Variants in SCHIP1 observed in about 807,000 individuals in gnomAD.
SCHIP1 encodes the protein schwannomin-interacting protein 1.
Under a neutral mutation model 29.7 loss-of-function variants are expected in SCHIP1, and 8 were observed. The observed-to-expected ratio is 0.27, with a 90% CI of 0.16 to 0.49. SCHIP1 has a LOEUF of 0.49. Ranked by LOEUF, SCHIP1 falls within the 20% of genes least tolerant of loss-of-function variation. SCHIP1 has a pLI of 0.99. For synonymous variants in SCHIP1, 76 were observed against 94.9 expected (o/e 0.80, Z 1.16); for missense variants, 193 against 294.6 (o/e 0.66, Z 2.52).
the SCHIP1 span, among the ~76,000 whole-genome samples, chr3:159,551,016 A>G: frequency 3.9e-5 from 6 of 152,226 alleles, no homozygotes; most frequent in Non-Finnish European, 8.8e-5. Context: ...AGGAACCACT[A>G]TAAGTTATCT....
chr3:159,682,596 A>G, the SCHIP1 span, among the ~76,000 whole-genome samples: 8 of 152,334 alleles, frequency 5.3e-5, no homozygotes, highest in African/African-American at 1.9e-4. Context: ...TGCTTCTCCT[A>G]GAAGTCTCCT....
chr3:159,381,716 C>T, the SCHIP1 span, among the ~76,000 whole-genome samples: 5 of 152,234 alleles, frequency 3.3e-5, 1 homozygote, highest in Middle Eastern at 0.014. Flanking sequence ...GTGCCCCAGC[C>T]TCCCAAGCAG....
chr3:159,715,510 AT>A, the SCHIP1 span, among the ~76,000 whole-genome samples: 1 of 152,108 alleles, frequency 6.6e-6, no homozygotes, highest in Non-Finnish European at 1.5e-5. Context: ...TTGAAAAAAG[AT>A]TGGACAAATG....
the SCHIP1 span, among the ~76,000 whole-genome samples, chr3:159,804,180 C>T: frequency 6.6e-6 from 1 of 152,150 alleles, no homozygotes; most frequent in South Asian, 2.1e-4. Context: ...GGTAAAACCC[C>T]ACAATGAACT....
the SCHIP1 span, among the ~76,000 whole-genome samples, chr3:159,446,379 CA>C: frequency 2.6e-5 from 4 of 151,754 alleles, no homozygotes; most frequent in African/African-American, 9.7e-5. Context: ...ATGATGTTTA[CA>C]ACAATACAAT....
chr3:159,875,160 A>C (rs1238561700), intron 2 of SCHIP1, among the ~76,000 whole-genome samples: 3 of 152,226 alleles, frequency 2.0e-5, no homozygotes, highest in Admixed American at 2.0e-4. Context: ...TAAAATGGCA[A>C]AACAAATCTA....
chr3:159,627,809 G>A, the SCHIP1 span, among the ~76,000 whole-genome samples: 1 of 152,196 alleles, frequency 6.6e-6, no homozygotes, highest in Non-Finnish European at 1.5e-5. Flanking sequence ...ATTTATTGAG[G>A]CAATGTCAAT....
chr3:159,420,719 T>C, the SCHIP1 span, among the ~76,000 whole-genome samples: 4 of 152,296 alleles, frequency 2.6e-5, no homozygotes, highest in Admixed American at 6.5e-5. Context: ...ATGGAGAGCA[T>C]TATTTTTGGC....
chr3:159,373,559 T>A, the SCHIP1 span, among the ~76,000 whole-genome samples: 3 of 152,174 alleles, frequency 2.0e-5, no homozygotes, highest in South Asian at 6.2e-4. Flanking sequence ...GACCATCATC[T>A]CCCTATTTCC....
chr3:159,718,469 A>G, the SCHIP1 span, among the ~76,000 whole-genome samples: 1 of 152,230 alleles, frequency 6.6e-6, no homozygotes, highest in African/African-American at 2.4e-5. Flanking sequence ...ACATGATTGT[A>G]TATTTAGAAA....
chr3:159,348,492 C>A, the SCHIP1 span, among the ~76,000 whole-genome samples: 2 of 152,032 alleles, frequency 1.3e-5, no homozygotes, highest in South Asian at 4.1e-4. Flanking sequence ...CTAACTCGTA[C>A]TTTTTATATT....
chr3:159,498,051 G>T, the SCHIP1 span, among the ~76,000 whole-genome samples: 2 of 152,116 alleles, frequency 1.3e-5, no homozygotes, highest in African/African-American at 4.8e-5. Context: ...TAATGTAGAA[G>T]TGAACAAACT....
At chr3:159,538,579 A>T in the SCHIP1 span, among the ~76,000 whole-genome samples, 1 of 152,176 alleles carries the variant, frequency 6.6e-6, no homozygotes, top group Non-Finnish European at 1.5e-5. Flanking sequence ...GAAATATTTC[A>T]TAGCTTCAAC....
At chr3:159,765,909 G>A in the SCHIP1 span, among the ~76,000 whole-genome samples, 2 of 152,024 alleles carry the variant, frequency 1.3e-5, no homozygotes, top group African/African-American at 4.8e-5. Context: ...AGACAGGGAG[G>A]GGTGCTGGAG....
At chr3:159,448,610 G>T in the SCHIP1 span, among the ~76,000 whole-genome samples, 2 of 152,212 alleles carry the variant, frequency 1.3e-5, no homozygotes, top group Non-Finnish European at 2.9e-5. Flanking sequence ...TATGTGTTAA[G>T]AGTGTCCAGG....
the SCHIP1 span, among the ~76,000 whole-genome samples, chr3:159,561,473 A>T: frequency 6.6e-6 from 1 of 152,248 alleles, no homozygotes; most frequent in African/African-American, 2.4e-5. Flanking sequence ...TGGGACATTT[A>T]GCCATATCAG....
At chr3:159,873,362 T>G (rs928805884) in intron 2 of SCHIP1, among the ~76,000 whole-genome samples, 1 of 152,234 alleles carries the variant, frequency 6.6e-6, no homozygotes, top group Admixed American at 6.5e-5. Flanking sequence ...AGAAACTAAC[T>G]CCATGCACAG....
the SCHIP1 span, among the ~76,000 whole-genome samples, chr3:159,593,939 T>C: frequency 3.3e-5 from 5 of 152,230 alleles, no homozygotes; most frequent in South Asian, 2.1e-4. Context: ...CTCTCCTGAT[T>C]GCCTCTGTGA....
At chr3:159,352,371 C>G in the SCHIP1 span, among the ~76,000 whole-genome samples, 1 of 152,206 alleles carries the variant, frequency 6.6e-6, no homozygotes, top group Non-Finnish European at 1.5e-5. Flanking sequence ...CTTCTTTTAA[C>G]TTCTTATTTT....
Sources: gnomAD v4.1 joint callset for allele counts (sites outside exome capture counted in the v4.1 genomes callset) on GRCh38, gnomAD v4.1.1 for gene constraint, MANE v1.5 for transcripts, NCBI Gene and HGNC (gene_info 2026-07-23, HGNC 2026-07-21) for gene names.